Variants in ATF6 observed in about 807,000 individuals in gnomAD.
ATF6 encodes the protein activating transcription factor 6.
A neutral mutation model predicts 83.6 loss-of-function variants in ATF6; 53 were observed. The ratio of observed to expected loss-of-function variants is 0.63; its 90% CI spans 0.51 to 0.80. The LOEUF is 0.80. ATF6 is among the 30% of genes least tolerant of loss of function. ATF6 has a pLI of 0.00. For synonymous variants in ATF6, 288 were observed against 285.8 expected (o/e 1.01, Z -0.08); for missense variants, 744 against 797.9 (o/e 0.93, Z 0.81).
chr1:161,886,735 A>G (rs1284547282), intron 14 of ATF6, among the ~76,000 whole-genome samples: 1 of 152,228 alleles, frequency 6.6e-6, no homozygotes, highest in Non-Finnish European at 1.5e-5. Flanking sequence ...ATAGTTTTAC[A>G]ACTACAAAGT....
intron 15 of ATF6, among the ~76,000 whole-genome samples, chr1:161,928,255 T>TGACTAAGTCAAGACAGCAG (rs1215698032): frequency 6.6e-6 from 1 of 152,238 alleles, no homozygotes; most frequent in Non-Finnish European, 1.5e-5. Flanking sequence ...CAACAGCGTA[T>TGACTAAGTCAAGACAGCAG]GACTAAGTCA....
chr1:161,774,301 G>A (rs948007199), intron 1 of ATF6, among the ~76,000 whole-genome samples: 1 of 151,868 alleles, frequency 6.6e-6, no homozygotes, highest in Non-Finnish European at 1.5e-5. Context: ...ACTGAAAGAG[G>A]GGCAAGGGCA....
chr1:161,789,252 C>CTTTTTTT (rs71755584), intron 4 of ATF6, among the ~76,000 whole-genome samples: 1 of 101,380 alleles, frequency 9.9e-6, no homozygotes, highest in Admixed American at 1.0e-4. Flanking sequence ...ATTCCTTCTC[C>CTTTTTTT]TTTTTTTTTT....
chr1:161,825,666 C>T (rs1477109863), intron 9 of ATF6, among the ~76,000 whole-genome samples: 1 of 152,132 alleles, frequency 6.6e-6, no homozygotes, highest in Non-Finnish European at 1.5e-5. Context: ...CATGCCCTCT[C>T]CAGGTGCACC....
chr1:161,943,296 AT>A (rs1438886375), intron 15 of ATF6, among the ~76,000 whole-genome samples: 1 of 152,110 alleles, frequency 6.6e-6, no homozygotes, highest in Non-Finnish European at 1.5e-5. Flanking sequence ...AGCATCTGGC[AT>A]TTCCCCTGCT....
At chr1:161,896,763 A>G (rs1571221950) in intron 14 of ATF6, among the ~76,000 whole-genome samples, 2 of 152,340 alleles carry the variant, frequency 1.3e-5, no homozygotes, top group South Asian at 4.1e-4. Context: ...AGTATTTAGA[A>G]TTTCTTAAAT....
intron 14 of ATF6, among the ~76,000 whole-genome samples, chr1:161,866,630 A>G (rs977037923): frequency 2.6e-5 from 4 of 152,158 alleles, no homozygotes; most frequent in Non-Finnish European, 4.4e-5. Flanking sequence ...TTGTTTTAGT[A>G]TGATTTGGAG....
intron 9 of ATF6, among the ~76,000 whole-genome samples, chr1:161,832,281 G>A (rs1199245712): frequency 6.6e-6 from 1 of 152,130 alleles, no homozygotes; most frequent in Non-Finnish European, 1.5e-5. Context: ...CAGCAAAATA[G>A]GTATACTTGG....
intron 13 of ATF6, among the ~76,000 whole-genome samples, chr1:161,861,454 C>A (rs1405706066): frequency 6.6e-6 from 1 of 152,108 alleles, no homozygotes; most frequent in Non-Finnish European, 1.5e-5. Context: ...ATTGATAATT[C>A]AAATATGTTT....
At chr1:161,799,973 T>G (rs16846931) in intron 6 of ATF6, among the ~76,000 whole-genome samples, 21,994 of 152,180 alleles carry the variant, frequency 0.14, 2,165 homozygotes, top group East Asian at 0.31. Flanking sequence ...ATTTACATGA[T>G]ATTTTAGTTG....
intron 6 of ATF6, among the ~76,000 whole-genome samples, chr1:161,794,553 A>G (rs1014438386): frequency 6.6e-6 from 1 of 151,890 alleles, no homozygotes; most frequent in African/African-American, 2.4e-5. Flanking sequence ...GGCTCAAGGG[A>G]TCTACCCACC....
chr1:161,802,482 G>T (rs1434868007), intron 7 of ATF6, among the ~76,000 whole-genome samples: 2 of 152,150 alleles, frequency 1.3e-5, no homozygotes, highest in African/African-American at 4.8e-5. Context: ...GTTTTTGAAA[G>T]TGAAGTGGTT....
intron 15 of ATF6, among the ~76,000 whole-genome samples, chr1:161,945,087 C>T (rs1688724170): frequency 1.3e-5 from 2 of 152,238 alleles, no homozygotes; most frequent in Admixed American, 6.5e-5. Context: ...CTCCTTTACA[C>T]ATACCAGCTC....
intron 15 of ATF6, among the ~76,000 whole-genome samples, chr1:161,913,431 C>T (rs1463248515): frequency 6.6e-6 from 1 of 152,158 alleles, no homozygotes; most frequent in Non-Finnish European, 1.5e-5. Flanking sequence ...ATTCATCATA[C>T]ATTTTAAGAC....
chr1:161,857,072 G>C (rs1686781224), intron 12 of ATF6, among the ~76,000 whole-genome samples: 1 of 152,148 alleles, frequency 6.6e-6, no homozygotes, highest in Non-Finnish European at 1.5e-5. Context: ...TTAGAGGAAG[G>C]AGAAGAATTA....
In ATF6 at chr1:161,958,905, T is replaced by TTAAC; in HGVS notation, c.*251_*252insTAAC. 2.9e-6 allele frequency: 1 copy of TTAAC among 344,242 alleles called. No homozygotes were observed. Among genetic ancestry groups the TTAAC allele is most frequent in the Non-Finnish European group, 5.3e-6 (1 of 189,562 alleles). The allele number at this position is 344,242 out of a possible 1,614,324, so 21.3% of individuals were successfully genotyped here. On this transcript the variant is annotated 3_prime_UTR_variant, in exon 16 of 16. Transcript: ENST00000367942. ...GCAAATGTAGCCCTGCATCCTCCAG[T>TTAAC]GTTACCTGGTGTAGATTTTTTTTTC...
At chr1:161,933,893 C>T (rs4570397) in intron 15 of ATF6, among the ~76,000 whole-genome samples, 95,887 of 152,094 alleles carry the variant, frequency 0.63, 32,027 homozygotes, top group Non-Finnish European at 0.75. Flanking sequence ...TTACCCAGAT[C>T]GTTACATGGC....
At chr1:161,852,603 T>A (rs1365209922) in intron 11 of ATF6, among the ~76,000 whole-genome samples, 2 of 152,040 alleles carry the variant, frequency 1.3e-5, no homozygotes, top group Non-Finnish European at 2.9e-5. Flanking sequence ...TACTTTTTAT[T>A]TTGTTTTGTT....
intron 2 of ATF6, among the ~76,000 whole-genome samples, chr1:161,779,032 C>G (rs981515348): frequency 6.6e-5 from 10 of 152,120 alleles, no homozygotes; most frequent in African/African-American, 2.4e-4. Context: ...GTAAAGATTG[C>G]TTAGTGAGTT....
Sources: gnomAD v4.1 joint callset for allele counts (sites outside exome capture counted in the v4.1 genomes callset) on GRCh38, gnomAD v4.1.1 for gene constraint, MANE v1.5 for transcripts, NCBI Gene and HGNC (gene_info 2026-07-23, HGNC 2026-07-21) for gene names.